ZNF830: variants seen among roughly 807,000 people sequenced by gnomAD.
The protein encoded by ZNF830 is zinc finger protein 830.
In ZNF830, 15 loss-of-function variants were observed where a neutral mutation model predicts 28.1. The observed-to-expected ratio is 0.53, with a 90% CI of 0.36 to 0.82. ZNF830 has a LOEUF of 0.82. Ranked by LOEUF, ZNF830 falls within the 40% of genes least tolerant of loss-of-function variation. The pLI, the probability that ZNF830 is intolerant of heterozygous loss-of-function variation, is 0.01. For synonymous variants in ZNF830, 208 were observed against 185.3 expected, an observed-to-expected ratio of 1.12 and a Z score of -0.99; for missense variants, 456 against 467.7, an observed-to-expected ratio of 0.97 and a Z score of 0.23.
chr17:34,961,588 C>A lies in ZNF830; in HGVS notation c.22C>A (p.Arg8=). The part of the protein sequence containing the change: MASSASA[R]TPAGKRVINQ... ...CAAGATGGCGTCCTCCGCCTCCGCCCGGACTCCGGCAGGGAAGCGAGTGAT... is the reference window on the plus strand; with the variant it reads ...CAAGATGGCGTCCTCCGCCTCCGCCAGGACTCCGGCAGGGAAGCGAGTGAT... Residue 8 remains arginine (R), a synonymous_variant, in exon 1 of 1, where the codon CGG becomes AGG. Transcript: ENST00000361952. 1 of 1,613,930 alleles carries A rather than the reference C, an allele frequency of 6.2e-7. No homozygotes were observed. The highest frequency in any genetic ancestry group is 8.5e-7 in the Non-Finnish European group (1 of 1,179,864).
In ZNF830 at chr17:34,963,594, A is replaced by G. The variant is rs752453680; in HGVS notation, c.*909A>G. On this transcript the variant is annotated 3_prime_UTR_variant, in exon 1 of 1. Coordinates refer to ENST00000361952, the MANE Select transcript of ZNF830 (RefSeq NM_052857.4). ...GGTTCCTTGTTTGCAGGTCCTATCT[A>G]TTGTAGAAAGAATATTTAAGTTGTC... 12 of 152,172 alleles carry G rather than the reference A, an allele frequency of 7.9e-5. No individual in the cohort carries two copies. Among genetic ancestry groups the G allele is most frequent in the African/African-American group, 2.9e-4 (12 of 41,436 alleles). 9.4% of individuals were successfully genotyped at this position (152,172 alleles called of 1,614,324 possible). A position where few individuals can be genotyped will look rare whatever the true frequency, so the allele number is the denominator to read the frequency against.
rs1456770074 is a variant in ZNF830 at position 34,963,199 on chromosome 17, G to C, written c.*514G>C. ...CATTGTAGGTTAATCAGTTCTCTTA[G>C]TGTGCTTTATTTTAAAAACATAAGA... On this transcript the variant is annotated 3_prime_UTR_variant, in exon 1 of 1. Transcript: ENST00000361952. 1 of 166,510 alleles carries C rather than the reference G, an allele frequency of 6.0e-6. No individual in the cohort carries two copies. The highest frequency in any genetic ancestry group is 1.5e-5 in the Non-Finnish European group (1 of 68,230). The allele number at this position is 166,510 out of a possible 1,614,324, so 10.3% of individuals were successfully genotyped here. A position where few individuals can be genotyped will look rare whatever the true frequency, so the allele number is the denominator to read the frequency against.
rs2090428602 is a variant in ZNF830 at position 34,962,139 on chromosome 17, G to A, written c.573G>A (p.Glu191=). ...SKPLSDAQGK[E]HSVSSSREVT... is the part of the protein sequence containing the mutation. ...CGCTCTCCGACGCACAGGGCAAGGA[G>A]CACTCAGTTTCCTCTTCACGGGAGG... Residue 191 remains glutamate (E), a synonymous_variant, in exon 1 of 1, where the codon GAG becomes GAA. Coordinates refer to ENST00000361952, the MANE Select transcript of ZNF830 (RefSeq NM_052857.4). 6.2e-7 allele frequency: 1 copy of A among 1,614,194 alleles called. No individual in the cohort carries two copies.
At position 34,962,125 on chromosome 17, in the gene ZNF830, G is replaced by A. The variant is rs780163238; in HGVS notation, c.559G>A (p.Ala187Thr). The change falls in exon 1 of 1, where the codon GCA becomes ACA. Residue 187 changes from alanine to threonine, a missense_variant. Transcript: ENST00000361952. The part of the protein sequence containing the change: ...RGDASKPLSD[A>T]QGKEHSVSSS... ...GGACGCCAGCAAGCCGCTCTCCGAC[G>A]CACAGGGCAAGGAGCACTCAGTTTC... 3 of 1,614,032 alleles carry A rather than the reference G, an allele frequency of 1.9e-6. No individual in the cohort carries two copies. The highest frequency in any genetic ancestry group is 2.5e-6 in the Non-Finnish European group (3 of 1,180,034).
In ZNF830 at chr17:34,961,655, G is replaced by A. The variant is rs2090421960; in HGVS notation, c.89G>A (p.Arg30His). ...ELRRLMKEKQ[R>H]LSTSRKRIES... ...CGGCGGTTAATGAAGGAGAAGCAGC[G>A]TCTGAGCACCAGTCGGAAACGGATA... is the stretch of plus-strand genomic sequence containing the variant. The change falls in exon 1 of 1, where the codon CGT becomes CAT. Residue 30 changes from arginine to histidine, a missense_variant. By Grantham distance (29) the Arg-to-His change is conservative. This residue lies in a region of ZNF830 where 331 missense variants were observed against 290.1 expected (regional missense o/e 1.14). Transcript: ENST00000361952. The A allele has an allele frequency of 1.2e-6, 2 of 1,614,096 alleles. No homozygotes were observed. The highest frequency in any genetic ancestry group is 1.3e-5 in the African/African-American group (1 of 74,936).
In ZNF830 at chr17:34,962,852, T is replaced by G; in HGVS notation, c.*167T>G. 1.6e-6 allele frequency: 2 copies of G among 1,250,662 alleles called. No individual in the cohort carries two copies. Among genetic ancestry groups the G allele is most frequent in the Non-Finnish European group, 2.1e-6 (2 of 952,076 alleles). The allele number at this position is 1,250,662 out of a possible 1,614,324, so 77.5% of individuals were successfully genotyped here. On this transcript the variant is annotated 3_prime_UTR_variant, in exon 1 of 1. Coordinates refer to ENST00000361952, the MANE Select transcript of ZNF830 (RefSeq NM_052857.4). ...GAGCTACAGCACTTTGGAAAATTTG[T>G]GTAACATGTTTTTGAGGTAAAGTTG...
Position 34,962,829 on chromosome 17 carries a change from G to A in ZNF830, c.*144G>A. 7.3e-7 allele frequency: 1 copy of A among 1,364,492 alleles called. No homozygotes were observed. Among genetic ancestry groups the A allele is most frequent in the Non-Finnish European group, 9.6e-7 (1 of 1,043,352 alleles). 84.5% of individuals were successfully genotyped at this position (1,364,492 alleles called of 1,614,324 possible). ...TTGTTGAGATAAAATGAGCCAGTGAGCTACAGCACTTTGGAAAATTTGTGT... is the reference window on the plus strand; with the variant it reads ...TTGTTGAGATAAAATGAGCCAGTGAACTACAGCACTTTGGAAAATTTGTGT... On this transcript the variant is annotated 3_prime_UTR_variant, in exon 1 of 1. Transcript: ENST00000361952.
Position 34,961,879 on chromosome 17 carries a change from G to T in ZNF830, c.313G>T (p.Ala105Ser), listed in dbSNP as rs764842721. The T allele has an allele frequency of 3.1e-6, 5 of 1,614,028 alleles. No individual in the cohort carries two copies. The highest frequency in any genetic ancestry group is 4.2e-6 in the Non-Finnish European group (5 of 1,180,036). Residue 105 changes from alanine (A) to serine (S), a missense_variant, in exon 1 of 1, where the codon GCG (alanine) becomes TCG (serine). By Grantham distance (99) the Ala-to-Ser change is moderately conservative (BLOSUM62 1). Coordinates refer to ENST00000361952, the MANE Select transcript of ZNF830 (RefSeq NM_052857.4). ...SSAPHSVKRK[A>S]PDADDQDVKR... ...AGCGCCTCATTCCGTCAAGAGGAAA[G>T]CGCCGGACGCAGACGACCAAGATGT...
rs953729693 is a variant in ZNF830, at chr17:34,963,228, CTA to C, written c.*547_*548del. ...GCTTTATTTTAAAAACATAAGAAAA[CTA>C]TATGCCAAACATGACCAAACCAATG... On this transcript the variant is annotated 3_prime_UTR_variant, in exon 1 of 1. Transcript: ENST00000361952. The C allele has an allele frequency of 3.7e-5, 6 of 163,956 alleles. No individual in the cohort carries two copies. Among genetic ancestry groups the C allele is most frequent in the African/African-American group, 1.4e-4 (6 of 41,444 alleles). 10.2% of individuals were successfully genotyped at this position (163,956 alleles called of 1,614,324 possible). A position where few individuals can be genotyped will look rare whatever the true frequency, so the allele number is the denominator to read the frequency against.
rs1183787487 is a variant in ZNF830, at chr17:34,961,945, T to C, written c.379T>C (p.Ser127Pro). Residue 127 changes from serine (S) to proline (P), a missense_variant, in exon 1 of 1, where the codon TCC (serine) becomes CCC (proline). This residue lies in a region of ZNF830 where 331 missense variants were observed against 290.1 expected (regional missense o/e 1.14). Transcript: ENST00000361952. ...CACCTTGGTGCCTCAGGTACAGCCCTCCACATCTGCGTGGACCACCAACTT... is the reference window on the plus strand; with the variant it reads ...CACCTTGGTGCCTCAGGTACAGCCCCCCACATCTGCGTGGACCACCAACTT... ...KATLVPQVQP[S>P]TSAWTTNFDK... 1.2e-6 allele frequency: 2 copies of C among 1,614,164 alleles called. No individual in the cohort carries two copies. Among genetic ancestry groups the C allele is most frequent in the South Asian group, 2.2e-5 (2 of 91,080 alleles).
Position 34,962,416 on chromosome 17 carries a change from G to T in ZNF830, c.850G>T (p.Val284Phe). Residue 284 changes from valine (V) to phenylalanine (F), a missense_variant, in exon 1 of 1, where the codon GTC (valine) becomes TTC (phenylalanine). Val to Phe is a conservative substitution (Grantham distance 50). Transcript: ENST00000361952. ...CGAATTCCAAAAAGCCATGAGGCAGGTCAACACTATTTCCGAAGCCATAGT... is the reference window on the plus strand; with the variant it reads ...CGAATTCCAAAAAGCCATGAGGCAGTTCAACACTATTTCCGAAGCCATAGT... ...WDEFQKAMRQ[V>F]NTISEAIVAE... The T allele has an allele frequency of 3.7e-6, 6 of 1,614,160 alleles. No homozygotes were observed. Among genetic ancestry groups the T allele is most frequent in the Non-Finnish European group, 4.2e-6 (5 of 1,180,042 alleles).
chr17:34,961,922 C>T lies in ZNF830; in HGVS notation c.356C>T (p.Thr119Ile), dbSNP rs1287017742. Reference protein sequence around the residue: ...DDQDVKRAKATLVPQVQPSTS... With the variant: ...DDQDVKRAKAILVPQVQPSTS... The stretch of plus-strand genomic sequence containing the variant: ...CAAGATGTCAAGAGAGCGAAGGCCA[C>T]CTTGGTGCCTCAGGTACAGCCCTCC... Residue 119 changes from threonine (T) to isoleucine (I), a missense_variant, in exon 1 of 1, where the codon ACC becomes ATC. By Grantham distance (89) the Thr-to-Ile change is moderately conservative. This residue lies in a region of ZNF830 where 331 missense variants were observed against 290.1 expected (regional missense o/e 1.14). Coordinates refer to ENST00000361952, the MANE Select transcript of ZNF830 (RefSeq NM_052857.4). The T allele has an allele frequency of 1.2e-6, 2 of 1,614,182 alleles. No individual in the cohort carries two copies. The highest frequency in any genetic ancestry group is 1.7e-5 in the Admixed American group (1 of 60,016).
In ZNF830 at chr17:34,961,620, G is replaced by A; in HGVS notation, c.54G>A (p.Gln18=). 6.2e-7 allele frequency: 1 copy of A among 1,614,194 alleles called. No individual in the cohort carries two copies. Among genetic ancestry groups the A allele is most frequent in the Non-Finnish European group, 8.5e-7 (1 of 1,180,028 alleles). Residue 18 remains glutamine (Q), a synonymous_variant, in exon 1 of 1, where the codon CAG becomes CAA. Coordinates refer to ENST00000361952, the MANE Select transcript of ZNF830 (RefSeq NM_052857.4). ...CGGCAGGGAAGCGAGTGATAAATCAGGAAGAATTGCGGCGGTTAATGAAGG... is the reference window on the plus strand; with the variant it reads ...CGGCAGGGAAGCGAGTGATAAATCAAGAAGAATTGCGGCGGTTAATGAAGG... ...RTPAGKRVIN[Q]EELRRLMKEK... is the part of the protein sequence containing the mutation.
rs1211938503 is a variant in ZNF830, at chr17:34,962,595, A to G, written c.1029A>G (p.Lys343=). ...TCCTGACCATAAAAGAACTGCAGAAAAAGGAAGAAGAGAATGCTGACAGCG... is the reference window on the plus strand; with the variant it reads ...TCCTGACCATAAAAGAACTGCAGAAGAAGGAAGAAGAGAATGCTGACAGCG... ...KEILTIKELQ[K]KEEENADSDD... Residue 343 remains lysine, a synonymous_variant, in exon 1 of 1, where the codon AAA becomes AAG. Transcript: ENST00000361952. The G allele has an allele frequency of 1.2e-6, 2 of 1,613,852 alleles. No individual in the cohort carries two copies. Among genetic ancestry groups the G allele is most frequent in the East Asian group, 2.2e-5 (1 of 44,882 alleles).
chr17:34,961,654 C>A lies in ZNF830; in HGVS notation c.88C>A (p.Arg30Ser). 6.2e-7 allele frequency: 1 copy of A among 1,614,180 alleles called. No individual in the cohort carries two copies. The highest frequency in any genetic ancestry group is 8.5e-7 in the Non-Finnish European group (1 of 1,180,038). Residue 30 changes from arginine to serine, a missense_variant, in exon 1 of 1, where the codon CGT (arginine) becomes AGT (serine). This residue lies in a region of ZNF830 where 331 missense variants were observed against 290.1 expected (regional missense o/e 1.14). Coordinates refer to ENST00000361952, the MANE Select transcript of ZNF830 (RefSeq NM_052857.4). ...ELRRLMKEKQ[R>S]LSTSRKRIES... The stretch of plus-strand genomic sequence containing the variant: ...GCGGCGGTTAATGAAGGAGAAGCAG[C>A]GTCTGAGCACCAGTCGGAAACGGAT...
In ZNF830 at chr17:34,961,643, A is replaced by T; in HGVS notation, c.77A>T (p.Lys26Met). 6.2e-7 allele frequency: 1 copy of T among 1,614,196 alleles called. No homozygotes were observed. The highest frequency in any genetic ancestry group is 8.5e-7 in the Non-Finnish European group (1 of 1,180,032). Residue 26 changes from lysine to methionine, a missense_variant, in exon 1 of 1, where the codon AAG becomes ATG. Around this residue, in one of 2 missense-constraint regions of ZNF830, gnomAD observed 331 missense variants for 290.1 expected, o/e 1.14. Coordinates refer to ENST00000361952, the MANE Select transcript of ZNF830 (RefSeq NM_052857.4). The part of the protein sequence containing the change: ...INQEELRRLM[K>M]EKQRLSTSRK... The stretch of plus-strand genomic sequence containing the variant: ...CAGGAAGAATTGCGGCGGTTAATGA[A>T]GGAGAAGCAGCGTCTGAGCACCAGT...
rs775661554 is a variant in ZNF830, at chr17:34,962,037, C to G, written c.471C>G (p.Pro157=). 6.2e-7 allele frequency: 1 copy of G among 1,613,998 alleles called. No individual in the cohort carries two copies. The highest frequency in any genetic ancestry group is 1.3e-5 in the African/African-American group (1 of 74,978). Residue 157 remains proline, a synonymous_variant, in exon 1 of 1, where the codon CCC becomes CCG. Transcript: ENST00000361952. Reference sequence around the variant, plus strand: ...AGCCTTCAGGACTCAGTTTACTCCCCGATTATGAAGATGAGGAGGAGGAGG... The same window carrying G: ...AGCCTTCAGGACTCAGTTTACTCCCGGATTATGAAGATGAGGAGGAGGAGG... The part of the protein sequence containing the change: ...PSKPSGLSLL[P]DYEDEEEEEE...
chr17:34,961,738 A>C lies in ZNF830; in HGVS notation c.172A>C (p.Thr58Pro), dbSNP rs1185505852. 1.2e-6 allele frequency: 2 copies of C among 1,613,920 alleles called. No homozygotes were observed. Among genetic ancestry groups the C allele is most frequent in the Non-Finnish European group, 1.7e-6 (2 of 1,180,016 alleles). The part of the protein sequence containing the change: ...LGQLSCALCN[T>P]PVKSELLWQT... ...GCAGCTGAGTTGTGCCCTGTGTAACACTCCGGTTAAGAGCGAGCTCCTGTG... is the reference window on the plus strand; with the variant it reads ...GCAGCTGAGTTGTGCCCTGTGTAACCCTCCGGTTAAGAGCGAGCTCCTGTG... Residue 58 changes from threonine (T) to proline (P), a missense_variant, in exon 1 of 1, where the codon ACT becomes CCT. By Grantham distance (38) the Thr-to-Pro change is conservative (BLOSUM62 -1). Around this residue, in one of 2 missense-constraint regions of ZNF830, gnomAD observed 331 missense variants for 290.1 expected, o/e 1.14. Transcript: ENST00000361952.
rs143329267 is a variant in ZNF830, at chr17:34,962,091, A to T, written c.525A>T (p.Arg175Ser). ...AGGAGGAGGAAGGAGATGGAGAAAG[A>T]AAAAGGGGGGACGCCAGCAAGCCGC... ...EEEEEEGDGE[R>S]KRGDASKPLS... The change falls in exon 1 of 1, where the codon AGA becomes AGT. Residue 175 changes from arginine to serine, a missense_variant. This residue lies in a region of ZNF830 where 331 missense variants were observed against 290.1 expected (regional missense o/e 1.14). Transcript: ENST00000361952. The T allele has an allele frequency of 1.2e-6, 2 of 1,614,012 alleles. No individual in the cohort carries two copies. The highest frequency in any genetic ancestry group is 1.7e-6 in the Non-Finnish European group (2 of 1,180,008).
Sources: gnomAD v4.1 joint callset for allele counts on GRCh38, gnomAD v4.1.1 for gene constraint, gnomAD v4.1.1 regional missense constraint, MANE v1.5 for transcripts, NCBI Gene and HGNC (gene_info 2026-07-23, HGNC 2026-07-21) for gene names.